CNBD1: variants seen among roughly 807,000 people sequenced by gnomAD.
The protein encoded by CNBD1 is cyclic nucleotide-binding domain-containing protein 1.
In CNBD1, 71 loss-of-function variants were observed where a neutral mutation model predicts 54.4. The observed-to-expected ratio is 1.30, with a 90% CI of 1.08 to 1.59. CNBD1 has a LOEUF of 1.59. Among genes scored for constraint, CNBD1 ranks in the 40% most tolerant of loss-of-function variants. The pLI is 0.00. For missense variants in CNBD1, 659 were observed against 518.0 expected, an observed-to-expected ratio of 1.27 and a Z score of -2.64; for synonymous variants, 182 against 170.7, an observed-to-expected ratio of 1.07 and a Z score of -0.51.
intron 4 of CNBD1, among the ~76,000 whole-genome samples, chr8:87,109,557 G>C (rs1257593045): frequency 3.5e-5 from 2 of 57,266 alleles, no homozygotes; most frequent in African/African-American, 1.8e-4. Context: ...TTTTTTTTTT[G>C]AGGCAGAGTC....
At chr8:87,179,027 C>A (rs558123685) in intron 4 of CNBD1, among the ~76,000 whole-genome samples, 19 of 152,264 alleles carry the variant, frequency 1.2e-4, no homozygotes, top group Admixed American at 9.8e-4. Context: ...CCTGCCTCAG[C>A]CTCCCAAGTA....
At chr8:87,203,434 T>A (rs1283449238) in intron 4 of CNBD1, among the ~76,000 whole-genome samples, 1 of 152,226 alleles carries the variant, frequency 6.6e-6, no homozygotes, top group Non-Finnish European at 1.5e-5. Context: ...ATTTGGCCAT[T>A]TGATATGCTG....
At chr8:87,328,852 T>G (rs1809750602) in intron 8 of CNBD1, among the ~76,000 whole-genome samples, 1 of 152,126 alleles carries the variant, frequency 6.6e-6, no homozygotes, top group East Asian at 1.9e-4. Context: ...TATTTTATTC[T>G]TTTTGATGCT....
rs1432869519 is a variant in CNBD1, at chr8:87,412,838, T to C, written c.214-15708T>C. On this transcript the variant is annotated intron_variant, in intron 2 of 7. Transcript: ENST00000521593. ...GTAGGTTAGGCAGTGATGTAAATGA[T>C]TACATTCTTGTGAGGCTCTTATATA... 3.9e-5 allele frequency among the ~76,000 whole-genome samples: 6 copies of C among 152,024 alleles called. No homozygotes were observed. In the East Asian group the frequency reaches 1.2e-3, roughly 29 times the overall value.
intron 4 of CNBD1, among the ~76,000 whole-genome samples, chr8:87,043,050 A>T (rs1044012212): frequency 1.3e-5 from 2 of 152,226 alleles, no homozygotes; most frequent in African/African-American, 4.8e-5. Flanking sequence ...TAGAGAAAGT[A>T]TGAAGATATG....
At chr8:87,063,289 G>A (rs970037170) in intron 4 of CNBD1, among the ~76,000 whole-genome samples, 29 of 152,314 alleles carry the variant, frequency 1.9e-4, no homozygotes, top group African/African-American at 6.5e-4. Context: ...GGAAAGAGGA[G>A]TGTGGATTTC....
intron 8 of CNBD1, among the ~76,000 whole-genome samples, chr8:87,333,011 A>T (rs1052087214): frequency 1.3e-5 from 2 of 152,114 alleles, no homozygotes; most frequent in African/African-American, 4.8e-5. Context: ...TGAGGATGGA[A>T]TGTTTCTCCA....
intron 2 of CNBD1, among the ~76,000 whole-genome samples, chr8:87,409,715 T>G (rs1475326703): frequency 6.6e-6 from 1 of 152,052 alleles, no homozygotes; most frequent in Non-Finnish European, 1.5e-5. Context: ...CCCAGGGGCT[T>G]AAGAATTAAG....
At chr8:87,320,873 C>G (rs1809511131) in intron 8 of CNBD1, among the ~76,000 whole-genome samples, 1 of 152,056 alleles carries the variant, frequency 6.6e-6, no homozygotes, top group African/African-American at 2.4e-5. Context: ...CCCATTTCAC[C>G]TTCCCTGCAG....
chr8:87,373,770 G>C (rs911261246), intron 10 of CNBD1, among the ~76,000 whole-genome samples: 2 of 151,734 alleles, frequency 1.3e-5, no homozygotes, highest in African/African-American at 4.8e-5. Context: ...TGAAGAAAAA[G>C]TGTATTTTTA....
At chr8:87,277,684 C>G (rs892596413) in intron 6 of CNBD1, among the ~76,000 whole-genome samples, 3 of 151,584 alleles carry the variant, frequency 2.0e-5, no homozygotes, top group Non-Finnish European at 4.4e-5. Context: ...AGACTGAAAA[C>G]CAGTCTCAAA....
chr8:87,221,563 T>A (rs746340946), intron 5 of CNBD1, among the ~76,000 whole-genome samples: 1 of 152,114 alleles, frequency 6.6e-6, no homozygotes, highest in Non-Finnish European at 1.5e-5. Context: ...ATAAAGTCAT[T>A]CCATATATTT....
At chr8:87,347,417 G>A (rs1048248883) in intron 8 of CNBD1, among the ~76,000 whole-genome samples, 6 of 152,132 alleles carry the variant, frequency 3.9e-5, no homozygotes, top group Admixed American at 3.9e-4. Flanking sequence ...AAATATCCTT[G>A]CCTTGATGGA....
intron 8 of CNBD1, among the ~76,000 whole-genome samples, chr8:87,294,699 C>T (rs1157351421): frequency 6.6e-6 from 1 of 152,126 alleles, no homozygotes; most frequent in Non-Finnish European, 1.5e-5. Context: ...TTTCCCTTTA[C>T]TCTTACTTTT....
At chr8:87,323,684 A>T (rs62526763) in intron 8 of CNBD1, among the ~76,000 whole-genome samples, 21,177 of 133,272 alleles carry the variant, frequency 0.16, 2,568 homozygotes, top group Admixed American at 0.27. Context: ...GTTGCTTATC[A>T]GCTTAAGGAG....
chr8:87,411,989 GA>G (rs1807754692), intron 2 of CNBD1, among the ~76,000 whole-genome samples: 1 of 151,920 alleles, frequency 6.6e-6, no homozygotes, highest in African/African-American at 2.4e-5. Flanking sequence ...ACAACTGAAT[GA>G]AATTTTCTAG....
chr8:87,263,942 C>G (rs956262367), intron 6 of CNBD1, among the ~76,000 whole-genome samples: 1 of 151,828 alleles, frequency 6.6e-6, no homozygotes, highest in East Asian at 1.9e-4. Flanking sequence ...TCTTTTATAC[C>G]ATATATTACA....
intron 1 of CNBD1, among the ~76,000 whole-genome samples, chr8:86,867,392 T>A (rs1309574201): frequency 2.0e-5 from 3 of 152,180 alleles, no homozygotes; most frequent in Admixed American, 6.5e-5. Flanking sequence ...AGATTTATAG[T>A]ATTGATTTGA....
At chr8:87,125,373 C>T (rs919074478) in intron 4 of CNBD1, among the ~76,000 whole-genome samples, 2 of 151,732 alleles carry the variant, frequency 1.3e-5, no homozygotes, top group Non-Finnish European at 3.0e-5. Flanking sequence ...TTCCTGATTT[C>T]AAACCATATT....
Sources: gnomAD v4.1 joint callset for allele counts (sites outside exome capture counted in the v4.1 genomes callset) on GRCh38, gnomAD v4.1.1 for gene constraint, MANE v1.5 for transcripts, NCBI Gene and HGNC (gene_info 2026-07-23, HGNC 2026-07-21) for gene names.